CNTN5: variants seen among roughly 807,000 people sequenced by gnomAD.
The protein encoded by CNTN5 is contactin 5.
In CNTN5, 77 loss-of-function variants were observed where a neutral mutation model predicts 129.1. That is an observed-to-expected ratio of 0.60 (90% confidence interval 0.50 to 0.72). The LOEUF is 0.72. Among genes scored for constraint, CNTN5 ranks in the 30% least tolerant of loss-of-function variants. The probability of loss-of-function intolerance (pLI) is 0.00; values close to 1 mark genes in which losing one functional copy is unlikely to be tolerated. For synonymous variants in CNTN5, 509 were observed against 465.6 expected, an observed-to-expected ratio of 1.09 and a Z score of -1.20; for missense variants, 1,478 against 1,328.8, an observed-to-expected ratio of 1.11 and a Z score of -1.75.
At chr11:100,120,569 C>G (rs17624341) in intron 13 of CNTN5, among the ~76,000 whole-genome samples, 12,428 of 151,714 alleles carry the variant, frequency 0.082, 637 homozygotes, top group Non-Finnish European at 0.12. Flanking sequence ...AACTGGAATA[C>G]CTATGATTAT....
intron 7 of CNTN5, among the ~76,000 whole-genome samples, chr11:99,934,810 G>T (rs1950270124): frequency 6.6e-6 from 1 of 151,044 alleles, no homozygotes; most frequent in Non-Finnish European, 1.5e-5. Flanking sequence ...GGGAGGCAGA[G>T]ATTGCAGTGA....
At chr11:99,780,210 G>T (rs1391243852) in intron 3 of CNTN5, among the ~76,000 whole-genome samples, 1 of 151,740 alleles carries the variant, frequency 6.6e-6, no homozygotes, top group African/African-American at 2.4e-5. Flanking sequence ...TAAGCCTTTT[G>T]CATGCAGTCC....
intron 1 of CNTN5, among the ~76,000 whole-genome samples, chr11:99,262,635 A>G (rs1261090560): frequency 6.8e-6 from 1 of 146,448 alleles, no homozygotes; most frequent in East Asian, 2.0e-4. Context: ...TTGCTTCATT[A>G]TATTTTACAT....
At chr11:99,766,544 A>T (rs1944762150) in intron 3 of CNTN5, among the ~76,000 whole-genome samples, 1 of 152,054 alleles carries the variant, frequency 6.6e-6, no homozygotes, top group South Asian at 2.1e-4. Flanking sequence ...TAAAGTTCTA[A>T]AAGACTACCC....
intron 3 of CNTN5, among the ~76,000 whole-genome samples, chr11:99,729,915 A>G (rs1369414025): frequency 3.9e-5 from 6 of 152,134 alleles, no homozygotes; most frequent in Non-Finnish European, 8.8e-5. Context: ...GGTGGTACAG[A>G]GAGGGAGAGC....
chr11:99,392,959 A>T (rs1342864359), intron 2 of CNTN5, among the ~76,000 whole-genome samples: 1 of 151,862 alleles, frequency 6.6e-6, no homozygotes, highest in Non-Finnish European at 1.5e-5. Flanking sequence ...TTTGAATAGC[A>T]TGTGGAAATA....
At chr11:100,074,072 A>T in intron 12 of CNTN5, 72 bp from the exon 13 acceptor site, 2 of 1,378,714 alleles carry the variant, frequency 1.5e-6, no homozygotes, top group Non-Finnish European at 1.0e-6. Context: ...AAGTTACAAG[A>T]TCTTCATGAA....
In CNTN5 at chr11:99,947,596, C is replaced by T. The variant is rs896269558; in HGVS notation, c.674-9210C>T. 7.2e-5 allele frequency among the ~76,000 whole-genome samples: 11 copies of T among 152,058 alleles called. 1 individual carries two copies. In the East Asian group the frequency reaches 1.2e-3, roughly 16 times the overall value. ...GAATAAGTTGAGGGGCAGACAATCT[C>T]GTTATAATAATTTATCTTGCCTGAA... On this transcript the variant is annotated intron_variant, in intron 7 of 24. Transcript: ENST00000524871.
At chr11:99,521,374 C>T (rs1193867468) in intron 2 of CNTN5, among the ~76,000 whole-genome samples, 1 of 151,984 alleles carries the variant, frequency 6.6e-6, no homozygotes, top group African/African-American at 2.4e-5. Flanking sequence ...CCTCTCATGC[C>T]TAAATCACAA....
intron 13 of CNTN5, among the ~76,000 whole-genome samples, chr11:100,097,811 A>AT (rs1344942321): frequency 2.0e-5 from 3 of 152,038 alleles, no homozygotes; most frequent in Admixed American, 6.6e-5. Context: ...ACAGCTATTC[A>AT]TTTTTCATGG....
intron 7 of CNTN5, among the ~76,000 whole-genome samples, chr11:99,953,055 A>G (rs1009607731): frequency 1.3e-5 from 2 of 152,190 alleles, no homozygotes; most frequent in Admixed American, 1.3e-4. Context: ...ATTTCCCAAC[A>G]TGTAGTTATA....
chr11:99,360,047 A>AAATTAAAAATTTAAAAAATAGAC (rs1938995197), intron 2 of CNTN5, among the ~76,000 whole-genome samples: 2 of 151,844 alleles, frequency 1.3e-5, no homozygotes. Flanking sequence ...ATACTCATAA[A>AAATTAAAAATTTAAAAAATAGAC]AATTAAAAAT....
At chr11:100,349,666 T>C (rs1441229017) in intron 23 of CNTN5, among the ~76,000 whole-genome samples, 1 of 151,826 alleles carries the variant, frequency 6.6e-6, no homozygotes, top group East Asian at 1.9e-4. Context: ...TACAAAGCCA[T>C]TTTTCTTTCC....
At chr11:99,701,666 A>G (rs755727050) in intron 3 of CNTN5, among the ~76,000 whole-genome samples, 1 of 151,154 alleles carries the variant, frequency 6.6e-6, no homozygotes, top group Non-Finnish European at 1.5e-5. Flanking sequence ...AATAGAAATA[A>G]ATAGAAAATG....
At chr11:99,493,615 C>G (rs1318839087) in intron 2 of CNTN5, among the ~76,000 whole-genome samples, 1 of 151,638 alleles carries the variant, frequency 6.6e-6, no homozygotes, top group African/African-American at 2.4e-5. Flanking sequence ...AGTGCAGGTT[C>G]AAAAAAACAA....
chr11:100,130,034 T>C (rs1011131450), intron 13 of CNTN5, among the ~76,000 whole-genome samples: 1 of 152,142 alleles, frequency 6.6e-6, no homozygotes, highest in Non-Finnish European at 1.5e-5. Flanking sequence ...TTTTTACTGA[T>C]GATGTTCTAT....
chr11:99,383,043 G>C (rs1165243452), intron 2 of CNTN5, among the ~76,000 whole-genome samples: 1 of 151,288 alleles, frequency 6.6e-6, no homozygotes, highest in Non-Finnish European at 1.5e-5. Flanking sequence ...TTTTAGTAGA[G>C]ACAGGGTTTC....
intron 1 of CNTN5, among the ~76,000 whole-genome samples, chr11:99,257,534 A>G (rs79616818): frequency 0.016 from 2,508 of 152,106 alleles, 63 homozygotes; most frequent in African/African-American, 0.056. Flanking sequence ...AACATTGTGG[A>G]TATTCATTGA....
At chr11:99,439,014 A>G (rs1943709079) in intron 2 of CNTN5, among the ~76,000 whole-genome samples, 1 of 152,238 alleles carries the variant, frequency 6.6e-6, no homozygotes, top group African/African-American at 2.4e-5. Context: ...GAACACTATG[A>G]AATAAAAATA....
Sources: gnomAD v4.1 joint callset for allele counts (sites outside exome capture counted in the v4.1 genomes callset) on GRCh38, gnomAD v4.1.1 for gene constraint, MANE v1.5 for transcripts, NCBI Gene and HGNC (gene_info 2026-07-23, HGNC 2026-07-21) for gene names.